The following SORL1 variants were observed in gnomAD, a reference collection of about 807,000 sequenced individuals.
The protein encoded by SORL1 is sortilin-related receptor.
SORL1 carries 127 observed loss-of-function variants against 273.7 expected under a neutral mutation model. The observed-to-expected ratio is 0.46, with a 90% confidence interval of 0.40 to 0.54. The LOEUF is 0.54. Ranked by LOEUF, SORL1 falls within the 20% of genes least tolerant of loss-of-function variation. The pLI, the probability that SORL1 is intolerant of heterozygous loss-of-function variation, is 0.00. For synonymous variants in SORL1, 1,031 were observed against 1,067.4 expected, an observed-to-expected ratio of 0.97 and a Z score of 0.66; for missense variants, 2,494 against 2,846.1, an observed-to-expected ratio of 0.88 and a Z score of 2.81.
chr11:121,528,218 C>T (rs1290878964), intron 11 of SORL1, among the ~76,000 whole-genome samples: 1 of 152,100 alleles, frequency 6.6e-6, no homozygotes, highest in Non-Finnish European at 1.5e-5. Flanking sequence ...CCTGTAATCC[C>T]AGCACTTAGG....
rs368286398 is a variant in SORL1 at position 121,567,459 on chromosome 11, G to C, written c.3223+346G>C. Among the ~76,000 whole-genome samples, 6 of 152,092 alleles carry C rather than the reference G, an allele frequency of 3.9e-5. No homozygotes were observed. The East Asian group carries it at 5.8e-4, about 15-fold the overall frequency. On this transcript the variant is annotated intron_variant, in intron 22 of 47. Transcript: ENST00000260197. ...CTCCTCACCCATCCCTCACATCCAG[G>C]TTTCTTACCTGCTCCTGTTTTGCAT... is the stretch of plus-strand genomic sequence containing the variant.
chr11:121,586,693 T>TGGGGGGGG (rs376563096), intron 27 of SORL1, among the ~76,000 whole-genome samples: 8 of 97,220 alleles, frequency 8.2e-5, no homozygotes, highest in Non-Finnish European at 1.4e-4. Flanking sequence ...GGGGGTAGAG[T>TGGGGGGGG]GGGGGGGGGG....
intron 3 of SORL1, among the ~76,000 whole-genome samples, chr11:121,481,078 T>A (rs112726463): frequency 1.1e-4 from 4 of 38,022 alleles, no homozygotes; most frequent in South Asian, 9.5e-4. Context: ...TAGGCAGGCT[T>A]CATCTCCTCC....
At chr11:121,492,176 C>G (rs1861563006) in intron 5 of SORL1, among the ~76,000 whole-genome samples, 1 of 152,112 alleles carries the variant, frequency 6.6e-6, no homozygotes, top group Non-Finnish European at 1.5e-5. Flanking sequence ...GCCTGGCCAA[C>G]ATGATGAAAC....
intron 11 of SORL1, among the ~76,000 whole-genome samples, chr11:121,527,108 A>G (rs1862134926): frequency 2.0e-5 from 3 of 152,030 alleles, no homozygotes; most frequent in Admixed American, 1.3e-4. Flanking sequence ...GGGGGAAACA[A>G]TTCAACCTTT....
At chr11:121,472,590 G>C (rs1363867633) in intron 2 of SORL1, among the ~76,000 whole-genome samples, 1 of 152,136 alleles carries the variant, frequency 6.6e-6, no homozygotes, top group Non-Finnish European at 1.5e-5. Context: ...AACCAGGGTG[G>C]TTTGTCACCC....
At chr11:121,612,656 T>G in intron 39 of SORL1, 80 bp from the exon 40 acceptor site, 2 of 1,003,934 alleles carry the variant, frequency 2.0e-6, no homozygotes, top group Non-Finnish European at 1.6e-6. Context: ...AGGAAAGAGG[T>G]GTATTTTTAA....
Position 121,554,485 on chromosome 11 carries a change from C to T in SORL1, c.2439+376C>T, listed in dbSNP as rs1388789407. Among the ~76,000 whole-genome samples the T allele has an allele frequency of 6.6e-6, 1 of 152,162 alleles. No homozygotes were observed. Among genetic ancestry groups the T allele is most frequent in the African/African-American group, 2.4e-5 (1 of 41,428 alleles). On this transcript the variant is annotated intron_variant, in intron 17 of 47. Coordinates refer to ENST00000260197, the MANE Select transcript of SORL1 (RefSeq NM_003105.6). This position sits in a 1 kb window ranked among gnomAD's most constrained non-coding sequence, Gnocchi z 4.6. ...AGTAACACTTGACTTACCCATAGCT[C>T]ACATAATTATCCACTTCAGCTGTTC... is the stretch of plus-strand genomic sequence containing the variant.
At chr11:121,570,806 T>A (rs1862830695) in intron 23 of SORL1, among the ~76,000 whole-genome samples, 1 of 152,214 alleles carries the variant, frequency 6.6e-6, no homozygotes, top group Non-Finnish European at 1.5e-5. Context: ...GTAAGTGTCA[T>A]CTTTAGGCTG....
chr11:121,569,238 T>C (rs1162562203), intron 22 of SORL1, among the ~76,000 whole-genome samples: 1 of 152,232 alleles, frequency 6.6e-6, no homozygotes, highest in Non-Finnish European at 1.5e-5. Flanking sequence ...CTCAGGACCC[T>C]GTGATGATTG....
chr11:121,617,133 G>A (rs1246701136), intron 41 of SORL1, among the ~76,000 whole-genome samples: 1 of 152,186 alleles, frequency 6.6e-6, no homozygotes, highest in Non-Finnish European at 1.5e-5. Context: ...GCTGCCTTTA[G>A]GGGAAATAGA....
rs145397679 is a variant in SORL1 at position 121,463,157 on chromosome 11, C to T, written c.286-6850C>T. On this transcript the variant is annotated intron_variant, in intron 1 of 47. Coordinates refer to ENST00000260197, the MANE Select transcript of SORL1 (RefSeq NM_003105.6). Reference sequence around the variant, plus strand: ...GTGTGTTTTCAGGCAGTGAGAACCACCACATTGCCTTAAAGTCTGTCTCTG... The same window carrying T: ...GTGTGTTTTCAGGCAGTGAGAACCATCACATTGCCTTAAAGTCTGTCTCTG... Among the ~76,000 whole-genome samples, 161 of 152,276 alleles carry T rather than the reference C, an allele frequency of 1.1e-3. 1 individual carries two copies. Among genetic ancestry groups the T allele is most frequent in the Middle Eastern group, 3.4e-3 (1 of 294 alleles).
At chr11:121,490,461 T>TG (rs1365893686) in intron 5 of SORL1, among the ~76,000 whole-genome samples, 1 of 152,080 alleles carries the variant, frequency 6.6e-6, no homozygotes, top group Non-Finnish European at 1.5e-5. Flanking sequence ...TGCATTTCGC[T>TG]GGGTGCAGTG....
In SORL1 at chr11:121,590,073, A is replaced by G. The variant is rs1424139915; in HGVS notation, c.4112A>G (p.Tyr1371Cys). The G allele has an allele frequency of 1.2e-6, 2 of 1,614,170 alleles. No individual in the cohort carries two copies. Among genetic ancestry groups the G allele is most frequent in the Non-Finnish European group, 8.5e-7 (1 of 1,180,028 alleles). The change falls in exon 30 of 48, where the codon TAC (tyrosine) becomes TGC (cysteine). Residue 1371 changes from tyrosine (Y) to cysteine (C), a missense_variant. Coordinates refer to ENST00000260197, the MANE Select transcript of SORL1 (RefSeq NM_003105.6). ...ACAGAAGCCCCAAACTGCTCCCGCT[A>G]CTTCCAGTTTCGGTGTGAGAATGGC... ...NPTEAPNCSR[Y>C]FQFRCENGHC...
At chr11:121,551,876 T>TA (rs1490077488) in intron 16 of SORL1, among the ~76,000 whole-genome samples, 1 of 152,232 alleles carries the variant, frequency 6.6e-6, no homozygotes, top group Non-Finnish European at 1.5e-5. Context: ...AATGAGCAGA[T>TA]AATATTCAAA....
intron 27 of SORL1, among the ~76,000 whole-genome samples, chr11:121,587,567 A>C (rs1192570050): frequency 6.6e-6 from 1 of 152,212 alleles, no homozygotes; most frequent in Non-Finnish European, 1.5e-5. Context: ...ATTGGGGATC[A>C]GGGCTTCAAC....
At chr11:121,520,913 T>C in intron 9 of SORL1, 64 bp downstream of exon 9, 1 of 1,173,294 alleles carries the variant, frequency 8.5e-7, no homozygotes, top group Non-Finnish European at 1.2e-6. Flanking sequence ...TCTGTGGTAG[T>C]TTCCTATGTC....
At chr11:121,471,853 C>G (rs191671688) in intron 2 of SORL1, among the ~76,000 whole-genome samples, 1 of 152,174 alleles carries the variant, frequency 6.6e-6, no homozygotes, top group East Asian at 1.9e-4. Flanking sequence ...GAGACCACCG[C>G]TACTGATGGC....
At chr11:121,580,629 G>A (rs1202610920) in intron 25 of SORL1, among the ~76,000 whole-genome samples, 1 of 121,738 alleles carries the variant, frequency 8.2e-6, no homozygotes, top group African/African-American at 3.3e-5. Context: ...TTTTGAGACA[G>A]GGTTTTGTCT....
Sources: gnomAD v4.1 joint callset for allele counts (sites outside exome capture counted in the v4.1 genomes callset) on GRCh38, gnomAD v4.1.1 for gene constraint, Gnocchi (gnomAD v3.1) non-coding constraint, MANE v1.5 for transcripts, NCBI Gene and HGNC (gene_info 2026-07-23, HGNC 2026-07-21) for gene names.